Variants in EPB41L5 observed in about 807,000 individuals in gnomAD.
EPB41L5 encodes band 4.1-like protein 5.
EPB41L5 carries 55 observed loss-of-function variants against 106.6 expected under a neutral mutation model. The ratio of observed to expected loss-of-function variants is 0.52; its 90% CI spans 0.42 to 0.65. The LOEUF is 0.65. EPB41L5 is among the 30% of genes least tolerant of loss of function. The probability of loss-of-function intolerance (pLI) is 0.00; values close to 1 mark genes in which losing one functional copy is unlikely to be tolerated. For missense variants in EPB41L5, 871 were observed against 882.1 expected, an observed-to-expected ratio of 0.99 and a Z score of 0.16; for synonymous variants, 297 against 306.7, an observed-to-expected ratio of 0.97 and a Z score of 0.33.
At position 120,178,017 on chromosome 2, in the gene EPB41L5, A is replaced by G. The variant is rs1231609461; in HGVS notation, c.*3110A>G. On this transcript the variant is annotated 3_prime_UTR_variant, in exon 25 of 25. Coordinates refer to ENST00000263713, the MANE Select transcript of EPB41L5 (RefSeq NM_020909.4). ...GAAAAATCTGCTATTTTTCTAAGTA[A>G]GAGTCTCGAGAAGCAGAGTTTTTGT... 1 of 152,612 alleles carries G rather than the reference A, an allele frequency of 6.6e-6. No individual in the cohort carries two copies. Among genetic ancestry groups the G allele is most frequent in the African/African-American group, 2.4e-5 (1 of 41,456 alleles). The allele number at this position is 152,612 out of a possible 1,614,324, so 9.5% of individuals were successfully genotyped here.
At chr2:120,030,996 CCT>C (rs1222505827) in intron 2 of EPB41L5, among the ~76,000 whole-genome samples, 1 of 152,156 alleles carries the variant, frequency 6.6e-6, no homozygotes, top group African/African-American at 2.4e-5. Flanking sequence ...CCTGCCTCAG[CCT>C]CCTGAGTAGC....
chr2:120,074,345 A>G (rs1231132176), intron 5 of EPB41L5, 167 bp downstream of exon 5: 2 of 556,640 alleles, frequency 3.6e-6, no homozygotes, highest in Non-Finnish European at 6.4e-6. Flanking sequence ...TAAGTGTATG[A>G]TTCTTTTCCT....
intron 3 of EPB41L5, among the ~76,000 whole-genome samples, chr2:120,061,526 T>G (rs1681076201): frequency 6.6e-6 from 1 of 151,328 alleles, no homozygotes; most frequent in Non-Finnish European, 1.5e-5. Context: ...CCCGGCCTTT[T>G]TTTTTAATAG....
At chr2:120,144,690 T>C (rs1463087344) in intron 19 of EPB41L5, among the ~76,000 whole-genome samples, 1 of 152,148 alleles carries the variant, frequency 6.6e-6, no homozygotes, top group Admixed American at 6.5e-5. Flanking sequence ...ATGAGACTAG[T>C]GTCACCCCAG....
chr2:120,151,927 G>T (rs1232514271), intron 20 of EPB41L5, among the ~76,000 whole-genome samples: 1 of 152,054 alleles, frequency 6.6e-6, no homozygotes, highest in African/African-American at 2.4e-5. Flanking sequence ...GGTTTTTTCT[G>T]CATTCTATAA....
At chr2:120,042,981 CT>C (rs1426583012) in intron 3 of EPB41L5, among the ~76,000 whole-genome samples, 1 of 142,636 alleles carries the variant, frequency 7.0e-6, no homozygotes, top group Non-Finnish European at 1.5e-5. Flanking sequence ...GGCATTAAGC[CT>C]TTTTTTCTGG....
intron 20 of EPB41L5, among the ~76,000 whole-genome samples, chr2:120,147,284 GGCTGCAGTGAGCTAT>G (rs1384956229): frequency 6.6e-6 from 1 of 152,194 alleles, no homozygotes; most frequent in Non-Finnish European, 1.5e-5. Context: ...AGGAGTTTGA[GGCTGCAGTGAGCTAT>G]GATCGCACCA....
intron 20 of EPB41L5, among the ~76,000 whole-genome samples, chr2:120,148,255 A>G (rs530841642): frequency 1.3e-5 from 2 of 152,242 alleles, no homozygotes; most frequent in South Asian, 2.1e-4. Flanking sequence ...ACTATAATAA[A>G]TTCTAGAACA....
intron 16 of EPB41L5, among the ~76,000 whole-genome samples, chr2:120,120,604 A>T (rs1394640452): frequency 6.6e-6 from 1 of 151,874 alleles, no homozygotes; most frequent in Non-Finnish European, 1.5e-5. Flanking sequence ...TTTAAAAAAA[A>T]CCTCTCATTA....
chr2:120,090,849 A>T lies in EPB41L5; in HGVS notation c.1043+333A>T, dbSNP rs761956397. On this transcript the variant is annotated intron_variant, in intron 12 of 24. Transcript: ENST00000263713. ...TACCATATAGAAAAGGGTTTCTTGC[A>T]CTGAATGGGATATTAGTCTGGATAA... Among the ~76,000 whole-genome samples, 55 of 152,274 alleles carry T rather than the reference A, an allele frequency of 3.6e-4. No individual in the cohort carries two copies. The Middle Eastern group carries it at 0.014, about 38-fold the overall frequency.
intron 20 of EPB41L5, among the ~76,000 whole-genome samples, chr2:120,147,200 A>T (rs967096847): frequency 1.3e-5 from 2 of 152,152 alleles, no homozygotes; most frequent in African/African-American, 4.8e-5. Flanking sequence ...AAAATAAAAA[A>T]TTAGCCGAGC....
intron 3 of EPB41L5, among the ~76,000 whole-genome samples, chr2:120,046,251 G>A (rs1022126762): frequency 6.6e-6 from 1 of 152,100 alleles, no homozygotes; most frequent in African/African-American, 2.4e-5. Flanking sequence ...CACAATGGTT[G>A]AACTAGTTTA....
intron 10 of EPB41L5, among the ~76,000 whole-genome samples, chr2:120,081,971 CTT>C (rs1430585012): frequency 3.3e-5 from 5 of 152,176 alleles, no homozygotes; most frequent in African/African-American, 9.7e-5. Context: ...TATACTGAGA[CTT>C]TGCTGAAGTT....
chr2:120,100,790 G>T lies in EPB41L5; in HGVS notation c.1313G>T (p.Gly438Val). The change falls in exon 16 of 25, where the codon GGA becomes GTA. Residue 438 changes from glycine (G) to valine (V), a missense_variant. Gly to Val is a moderately radical substitution (Grantham distance 109). Transcript: ENST00000263713. ...ATAGAGAATCTTCCACAGAGTCCTG[G>T]AACAGACCAGCATGACAGGAAATGG... The part of the protein sequence containing the change: ...VEIENLPQSP[G>V]TDQHDRKCIP... The T allele has an allele frequency of 6.2e-7, 1 of 1,605,742 alleles. No homozygotes were observed. Among genetic ancestry groups the T allele is most frequent in the Non-Finnish European group, 8.5e-7 (1 of 1,174,494 alleles).
At chr2:120,160,743 C>T in intron 20 of EPB41L5, 138 bp from the exon 21 acceptor site, 1 of 620,706 alleles carries the variant, frequency 1.6e-6, no homozygotes, top group Non-Finnish European at 2.9e-6. Flanking sequence ...TTTACATTTC[C>T]CTGATGATTT....
intron 3 of EPB41L5, among the ~76,000 whole-genome samples, chr2:120,069,518 A>G (rs1206512637): frequency 6.6e-6 from 1 of 152,178 alleles, no homozygotes; most frequent in Non-Finnish European, 1.5e-5. Context: ...CAGAATATAC[A>G]TTCTTCTCAT....
chr2:120,035,460 T>C lies in EPB41L5; in HGVS notation c.181-6546T>C, dbSNP rs1024270472. Among the ~76,000 whole-genome samples the C allele has an allele frequency of 4.6e-5, 7 of 152,202 alleles. 1 individual carries two copies. The highest frequency in any genetic ancestry group is 4.6e-4 in the Admixed American group (7 of 15,270). On this transcript the variant is annotated intron_variant, in intron 2 of 24. Coordinates refer to ENST00000263713, the MANE Select transcript of EPB41L5 (RefSeq NM_020909.4). ...CAGGGGCTTACCTGTTTTGTTTTCC[T>C]GTTTAGTTGCTTAGAACAGTGCCTG...
chr2:120,077,376 G>A (rs980710945), intron 9 of EPB41L5, 60 bp downstream of exon 9: 1 of 1,474,402 alleles, frequency 6.8e-7, no homozygotes, highest in African/African-American at 1.4e-5. Flanking sequence ...CGCAGTGACT[G>A]TGGAATTTTT....
intron 16 of EPB41L5, among the ~76,000 whole-genome samples, chr2:120,120,247 G>C (rs1213769929): frequency 2.6e-5 from 4 of 152,052 alleles, no homozygotes; most frequent in Admixed American, 6.6e-5. Flanking sequence ...TGGCCAACAT[G>C]GTGAAACCCC....
Sources: allele counts gnomAD v4.1 joint callset (sites outside exome capture counted in the v4.1 genomes callset), GRCh38; gene constraint gnomAD v4.1.1; transcripts MANE v1.5; gene names NCBI Gene and HGNC (gene_info 2026-07-23, HGNC 2026-07-21).